Variants in OSBPL10 observed in about 807,000 individuals in gnomAD.
The protein encoded by OSBPL10 is oxysterol-binding protein-related protein 10.
A neutral mutation model predicts 81.7 loss-of-function variants in OSBPL10; 49 were observed. That is an observed-to-expected ratio of 0.60 (90% CI 0.48 to 0.76). The LOEUF (loss-of-function observed/expected upper bound fraction) is 0.76. OSBPL10 is among the 30% of genes least tolerant of loss of function. The pLI is 0.00. For synonymous variants in OSBPL10, 419 were observed against 383.6 expected (o/e 1.09, Z -1.08); for missense variants, 923 against 987.8 (o/e 0.93, Z 0.88).
rs1048835564 is a variant in OSBPL10, at chr3:31,902,719, C to G, written c.282-22889G>C. 3.9e-5 allele frequency among the ~76,000 whole-genome samples: 6 copies of G among 152,290 alleles called. No individual in the cohort carries two copies. The Middle Eastern group carries it at 0.02, about 518-fold the overall frequency. The stretch of plus-strand genomic sequence containing the variant: ...CTGGGACTACAGGCACCCGCCACCA[C>G]GCCTGGCTAATTTTTTTTGTATTTT... On this transcript the variant is annotated intron_variant, in intron 1 of 11. Coordinates refer to ENST00000396556, the MANE Select transcript of OSBPL10 (RefSeq NM_017784.5).
At chr3:31,950,921 C>G (rs189026652) in intron 1 of OSBPL10, among the ~76,000 whole-genome samples, 153 of 152,300 alleles carry the variant, frequency 1.0e-3, no homozygotes, top group African/African-American at 3.5e-3. Flanking sequence ...ATGCTGGTGC[C>G]ATGCCTGTAC....
Position 31,837,395 on chromosome 3 carries a change from G to T in OSBPL10, c.538-7164C>A, listed in dbSNP as rs562246924. ...TATATAGTAAGTAACATAACACAGAGACCTTTAAATGCTGAATTGCCATTT... is the reference window on the plus strand; with the variant it reads ...TATATAGTAAGTAACATAACACAGATACCTTTAAATGCTGAATTGCCATTT... On this transcript the variant is annotated intron_variant, in intron 3 of 11. Coordinates refer to ENST00000396556, the MANE Select transcript of OSBPL10 (RefSeq NM_017784.5). 3.6e-3 allele frequency among the ~76,000 whole-genome samples: 393 copies of T among 109,158 alleles called. 6 individuals are homozygous for T. The highest frequency in any genetic ancestry group is 0.025 in the Middle Eastern group (4 of 162). The allele number at this position is 109,158 out of a possible 152,430, so 71.6% of individuals were successfully genotyped here. A position where few individuals can be genotyped will look rare whatever the true frequency, so the allele number is the denominator to read the frequency against.
chr3:31,741,456 A>G lies in OSBPL10; in HGVS notation c.940+6454T>C, dbSNP rs1428116974. Among the ~76,000 whole-genome samples the G allele has an allele frequency of 3.3e-5, 5 of 152,176 alleles. No individual in the cohort carries two copies. The East Asian group carries it at 9.7e-4, about 30-fold the overall frequency. On this transcript the variant is annotated intron_variant, in intron 5 of 11. Coordinates refer to ENST00000396556, the MANE Select transcript of OSBPL10 (RefSeq NM_017784.5). ...ATTTTTGTATTTTTAGTAGAGACAG[A>G]GTTCCACCATGTTGGCCTGGATGAT...
chr3:31,671,991 C>T (rs908246184), intron 8 of OSBPL10, among the ~76,000 whole-genome samples: 6 of 152,096 alleles, frequency 3.9e-5, no homozygotes, highest in Non-Finnish European at 8.8e-5. Flanking sequence ...CTTGGCTCCA[C>T]TCCAGCTCAC....
intron 2 of OSBPL10, among the ~76,000 whole-genome samples, chr3:32,001,463 A>G (rs1208051444): frequency 1.3e-5 from 2 of 152,156 alleles, no homozygotes; most frequent in African/African-American, 4.8e-5. Flanking sequence ...AAAATTTCAA[A>G]AGGTAAAATC....
chr3:32,031,991 A>G (rs554225604), intron 2 of OSBPL10, among the ~76,000 whole-genome samples: 13 of 152,332 alleles, frequency 8.5e-5, no homozygotes, highest in African/African-American at 3.1e-4. Context: ...TGCTCCTTTG[A>G]AATCTTAAGG....
chr3:31,817,066 A>AG (rs1169801350), intron 4 of OSBPL10, among the ~76,000 whole-genome samples: 2 of 152,122 alleles, frequency 1.3e-5, no homozygotes, highest in Non-Finnish European at 2.9e-5. Flanking sequence ...GGCTGAGCCC[A>AG]GGGCTTTTAT....
At chr3:31,801,970 T>G (rs1010765912) in intron 4 of OSBPL10, among the ~76,000 whole-genome samples, 60 of 152,080 alleles carry the variant, frequency 3.9e-4, no homozygotes, top group African/African-American at 1.4e-3. Context: ...ATTATAGGCA[T>G]GTGCCACCAT....
At chr3:31,794,834 G>C in intron 4 of OSBPL10, 1 of 367,888 alleles carries the variant, frequency 2.7e-6, no homozygotes, top group Non-Finnish European at 5.4e-6. Context: ...CTGAACAGGA[G>C]TGGGGCATGT....
intron 4 of OSBPL10, among the ~76,000 whole-genome samples, chr3:31,804,428 T>C (rs1411237476): frequency 1.3e-5 from 2 of 152,152 alleles, no homozygotes; most frequent in African/African-American, 4.8e-5. Context: ...TCCACTGACT[T>C]ACAAGTAAGC....
chr3:31,845,473 C>A (rs938304537), intron 3 of OSBPL10, among the ~76,000 whole-genome samples: 1 of 152,212 alleles, frequency 6.6e-6, no homozygotes, highest in Non-Finnish European at 1.5e-5. Flanking sequence ...AGACCAGGAT[C>A]TTCTTTCCTC....
intron 6 of OSBPL10, among the ~76,000 whole-genome samples, chr3:31,719,163 T>C (rs1456359637): frequency 6.6e-6 from 1 of 152,102 alleles, no homozygotes; most frequent in Non-Finnish European, 1.5e-5. Flanking sequence ...AATGCTAAAT[T>C]ATAAAAGGAT....
chr3:32,000,147 AC>A (rs1460001434), intron 2 of OSBPL10, among the ~76,000 whole-genome samples: 1 of 152,130 alleles, frequency 6.6e-6, no homozygotes, highest in Non-Finnish European at 1.5e-5. Context: ...GTCTTCCTCT[AC>A]CTGGTAAATT....
intron 10 of OSBPL10, among the ~76,000 whole-genome samples, chr3:31,666,566 C>T (rs1700195271): frequency 6.6e-6 from 1 of 152,190 alleles, no homozygotes; most frequent in African/African-American, 2.4e-5. Flanking sequence ...CTCCACTCCT[C>T]AAGGCCGTTT....
At chr3:31,874,449 G>A (rs932457797) in intron 3 of OSBPL10, among the ~76,000 whole-genome samples, 1 of 151,860 alleles carries the variant, frequency 6.6e-6, no homozygotes, top group Non-Finnish European at 1.5e-5. Flanking sequence ...TTGTCTACTA[G>A]GAGAAAATAT....
At chr3:32,011,322 G>A (rs1699254475) in intron 2 of OSBPL10, among the ~76,000 whole-genome samples, 2 of 152,230 alleles carry the variant, frequency 1.3e-5, no homozygotes, top group Admixed American at 1.3e-4. Context: ...CTGATACCCA[G>A]GCAAACAGGG....
At chr3:31,888,778 G>T (rs1223034246) in intron 1 of OSBPL10, among the ~76,000 whole-genome samples, 1 of 152,042 alleles carries the variant, frequency 6.6e-6, no homozygotes, top group African/African-American at 2.4e-5. Flanking sequence ...AAAAAAATTA[G>T]CCAGGCCTGG....
At chr3:31,829,405 T>C (rs1438121583) in intron 4 of OSBPL10, among the ~76,000 whole-genome samples, 1 of 152,170 alleles carries the variant, frequency 6.6e-6, no homozygotes, top group African/African-American at 2.4e-5. Context: ...TCGCCTCACT[T>C]TTATAAGGCA....
intron 5 of OSBPL10, among the ~76,000 whole-genome samples, chr3:31,734,651 T>G (rs1697093468): frequency 6.6e-6 from 1 of 152,096 alleles, no homozygotes; most frequent in South Asian, 2.1e-4. Flanking sequence ...GGTGGGAGGA[T>G]CTATTGAGCC....
Sources: allele counts gnomAD v4.1 joint callset (sites outside exome capture counted in the v4.1 genomes callset), GRCh38; gene constraint gnomAD v4.1.1; transcripts MANE v1.5; gene names NCBI Gene and HGNC (gene_info 2026-07-23, HGNC 2026-07-21).